The following RUFY4 variants were observed in gnomAD, a reference collection of about 807,000 sequenced individuals.
RUFY4 encodes RUN and FYVE domain containing 4.
In RUFY4, 73 loss-of-function variants were observed where a neutral mutation model predicts 69.0. The observed-to-expected ratio is 1.06, with a 90% CI of 0.88 to 1.29. RUFY4 has a LOEUF of 1.29. Ranked by LOEUF, RUFY4 falls within the 50% of genes most tolerant of loss-of-function variation. The probability of loss-of-function intolerance (pLI) is 0.00; values close to 1 mark genes in which losing one functional copy is unlikely to be tolerated. For missense variants in RUFY4, 770 were observed against 705.6 expected (o/e 1.09, Z -1.03); for synonymous variants, 287 against 271.8 (o/e 1.06, Z -0.55).
chr2:218,060,471 A>G (rs1689155586), intron 3 of RUFY4: 6 of 1,367,028 alleles, frequency 4.4e-6, no homozygotes, highest in Non-Finnish European at 6.3e-6. Flanking sequence ...ACTTCTGGCC[A>G]ATGAAGGCGT....
At chr2:218,056,795 T>C (rs985105686) in intron 2 of RUFY4, among the ~76,000 whole-genome samples, 2 of 152,060 alleles carry the variant, frequency 1.3e-5, no homozygotes, top group Non-Finnish European at 2.9e-5. Context: ...TCAAGACTAG[T>C]TTTATCCAGG....
intron 6 of RUFY4, 83 bp from the exon 9 acceptor site, chr2:218,075,010 A>G: frequency 1.4e-6 from 2 of 1,382,110 alleles, no homozygotes; most frequent in South Asian, 1.5e-5. Context: ...AGCTGATTAG[A>G]TTAGCACTGT....
chr2:218,070,284 C>G, upstream of RUFY4: 1 of 377,452 alleles, frequency 2.6e-6, no homozygotes, highest in Admixed American at 3.7e-5. Context: ...CCCTGTTTCT[C>G]CTGGTCTAAA....
At chr2:218,085,099 A>T (rs533540183) in intron 9 of RUFY4, among the ~76,000 whole-genome samples, 6 of 152,110 alleles carry the variant, frequency 3.9e-5, no homozygotes, top group Admixed American at 2.0e-4. Context: ...TAGAAAACAA[A>T]ACGTATATAT....
chr2:218,081,680 A>G (rs1689762247), intron 8 of RUFY4, among the ~76,000 whole-genome samples: 1 of 152,184 alleles, frequency 6.6e-6, no homozygotes, highest in African/African-American at 2.4e-5. Flanking sequence ...GGCTCAGGAA[A>G]ATTAAAGTCA....
chr2:218,062,832 G>A (rs902735932), intron 3 of RUFY4, among the ~76,000 whole-genome samples: 36 of 152,264 alleles, frequency 2.4e-4, no homozygotes, highest in Non-Finnish European at 7.3e-5. Context: ...GAGCAGCCAT[G>A]TGCTGCCATG....
intron 3 of RUFY4, chr2:218,059,719 T>TTCAC: frequency 6.0e-6 from 1 of 166,936 alleles, no homozygotes; most frequent in Middle Eastern, 3.4e-3. Flanking sequence ...CATTCATTCA[T>TTCAC]TCATTGATGA....
At chr2:218,044,130 A>G (rs762708590) in intron 2 of RUFY4, among the ~76,000 whole-genome samples, 1 of 152,144 alleles carries the variant, frequency 6.6e-6, no homozygotes, top group Non-Finnish European at 1.5e-5. Context: ...CCTCCAAAGC[A>G]CAGAGATGCC....
At position 218,073,488 on chromosome 2, in the gene RUFY4, G is replaced by A. The variant is rs921806719; in HGVS notation, c.530+102G>A. On this transcript the variant is annotated intron_variant, in intron 5 of 10. Transcript: ENST00000344321. ...AAGCCCTCAGCCTCCAGCCCCATCTGTCTCTGCCTCCTTTTGCTCCATGCC... is the reference window on the plus strand; with the variant it reads ...AAGCCCTCAGCCTCCAGCCCCATCTATCTCTGCCTCCTTTTGCTCCATGCC... 68 of 1,455,672 alleles carry A rather than the reference G, an allele frequency of 4.7e-5. 1 individual carries two copies. Among genetic ancestry groups the A allele is most frequent in the East Asian group, 3.7e-4 (15 of 40,490 alleles). 90.2% of individuals were successfully genotyped at this position (1,455,672 alleles called of 1,614,324 possible).
At chr2:218,073,172 T>C in intron 4 of RUFY4, 71 bp from the exon 7 acceptor site, 1 of 1,349,472 alleles carries the variant, frequency 7.4e-7, no homozygotes, top group East Asian at 3.0e-5. Context: ...TGAGCTGGGG[T>C]GGGGGTGGTT....
At chr2:218,064,541 G>A (rs1037887179), upstream of RUFY4, among the ~76,000 whole-genome samples, 4 of 152,188 alleles carry the variant, frequency 2.6e-5, no homozygotes, top group Non-Finnish European at 4.4e-5. Flanking sequence ...CCCAGCTGTA[G>A]CAAGTACTGA....
chr2:218,063,396 AAAAG>A, intron 3 of RUFY4, among the ~76,000 whole-genome samples: 1 of 152,344 alleles, frequency 6.6e-6, no homozygotes, highest in East Asian at 1.9e-4. Flanking sequence ...GAGGAAGTGG[AAAAG>A]TCAGAACTCT....
At chr2:218,072,291 C>T in intron 2 of RUFY4, 83 bp from the exon 5 acceptor site, 5 of 1,481,292 alleles carry the variant, frequency 3.4e-6, no homozygotes, top group South Asian at 1.3e-5. Context: ...TCCTCCAGTA[C>T]ATGTCCCCTC....
chr2:218,069,195 TG>T (rs1689420298), upstream of RUFY4: 1 of 152,618 alleles, frequency 6.6e-6, no homozygotes, highest in African/African-American at 2.4e-5. Flanking sequence ...CCCACCGCTG[TG>T]AGCCAGGTTC....
upstream of RUFY4, chr2:218,070,332 A>ATG (rs1300465586): frequency 5.9e-6 from 3 of 506,618 alleles, no homozygotes; most frequent in African/African-American, 3.8e-5. Flanking sequence ...TGAGGATTGA[A>ATG]TGGGACAAGG....
intron 9 of RUFY4, among the ~76,000 whole-genome samples, chr2:218,087,615 G>T (rs1220978489): frequency 6.6e-6 from 1 of 152,132 alleles, no homozygotes; most frequent in East Asian, 1.9e-4. Flanking sequence ...GATCTCCTGA[G>T]TTCAGGAGTT....
upstream of RUFY4, among the ~76,000 whole-genome samples, chr2:218,067,916 A>G (rs1689382050): frequency 1.3e-5 from 2 of 152,082 alleles, no homozygotes; most frequent in African/African-American, 4.8e-5. Flanking sequence ...GGGTGAAGCA[A>G]GGAGACCCAC....
intron 6 of RUFY4, among the ~76,000 whole-genome samples, chr2:218,074,159 T>G (rs543108636): frequency 1.3e-4 from 20 of 152,136 alleles, no homozygotes; most frequent in African/African-American, 3.6e-4. Flanking sequence ...GAAAGTGCTA[T>G]GAGGGGCGGG....
chr2:218,070,609 G>T, exon 1 of RUFY4: 1 of 1,537,562 alleles, frequency 6.5e-7, no homozygotes, highest in South Asian at 1.2e-5. Context: ...AGTACCCATG[G>T]CAGAAGAGGG....
Sources: allele counts gnomAD v4.1 joint callset (sites outside exome capture counted in the v4.1 genomes callset), GRCh38; gene constraint gnomAD v4.1.1; transcripts MANE v1.5; gene names NCBI Gene and HGNC (gene_info 2026-07-23, HGNC 2026-07-21).